Variants in AFF2 observed in about 807,000 individuals in gnomAD.
AFF2 encodes ALF transcription elongation factor 2.
AFF2 carries 14 observed loss-of-function variants against 76.9 expected under a neutral mutation model. That is an observed-to-expected ratio of 0.18 (90% CI 0.12 to 0.28). AFF2 has a LOEUF of 0.28. Among genes scored for constraint, AFF2 ranks in the 10% least tolerant of loss-of-function variants. The probability of loss-of-function intolerance (pLI) is 1.00; values close to 1 mark genes in which losing one functional copy is unlikely to be tolerated. For synonymous variants in AFF2, 398 were observed against 366.7 expected, an observed-to-expected ratio of 1.09 and a Z score of -0.98; for missense variants, 868 against 1,001.1, an observed-to-expected ratio of 0.87 and a Z score of 1.79.
At chrX:148,884,434 C>T (rs1282380180) in intron 7 of AFF2, among the ~76,000 whole-genome samples, 1 of 112,399 alleles carries the variant, frequency 8.9e-6, no homozygotes, top group Admixed American at 9.4e-5. Context: ...TTGAACATAA[C>T]CTCTGAAGTA....
chrX:148,573,969 C>T (rs1389918509), intron 1 of AFF2, among the ~76,000 whole-genome samples: 1 of 110,716 alleles, frequency 9.0e-6, no homozygotes, highest in Non-Finnish European at 1.9e-5. Context: ...CCCTTAGCAT[C>T]GTGTACTCTG....
intron 1 of AFF2, among the ~76,000 whole-genome samples, chrX:148,639,702 A>G (rs782218508): frequency 2.8e-4 from 31 of 111,932 alleles, no homozygotes; most frequent in Admixed American, 5.7e-4. Context: ...ACTGGTGGGT[A>G]AATCCAGTGG....
intron 1 of AFF2, among the ~76,000 whole-genome samples, chrX:148,626,883 C>T (rs2053932234): frequency 9.0e-6 from 1 of 111,243 alleles, no homozygotes; most frequent in Non-Finnish European, 1.9e-5. Context: ...TTCACGGGTT[C>T]TGGGTGAACA....
intron 5 of AFF2, among the ~76,000 whole-genome samples, 194 bp downstream of exon 5, chrX:148,837,927 C>T (rs781869430): frequency 1.9e-4 from 21 of 111,875 alleles, no homozygotes; most frequent in Admixed American, 1.3e-3. Context: ...ACACAGATAC[C>T]GGCATGCGTG....
chrX:148,952,671 G>A (rs1557286745), intron 9 of AFF2, among the ~76,000 whole-genome samples: 1 of 112,083 alleles, frequency 8.9e-6, no homozygotes, highest in African/African-American at 3.3e-5. Flanking sequence ...GAGAGCAAAC[G>A]ATCGGTATGG....
intron 3 of AFF2, among the ~76,000 whole-genome samples, chrX:148,763,521 A>G (rs2069477296): frequency 9.1e-6 from 1 of 110,002 alleles, no homozygotes; most frequent in Non-Finnish European, 1.9e-5. Flanking sequence ...GACTCTAGTT[A>G]TTAACAATGT....
At chrX:148,974,605 A>G (rs938670048) in intron 16 of AFF2, among the ~76,000 whole-genome samples, 21 of 111,952 alleles carry the variant, frequency 1.9e-4, no homozygotes, top group African/African-American at 6.8e-4. Flanking sequence ...TCCCAGTGAC[A>G]CATTCCAAAA....
intron 20 of AFF2, among the ~76,000 whole-genome samples, chrX:148,989,429 A>T (rs1305886158): frequency 8.9e-6 from 1 of 112,352 alleles, no homozygotes; most frequent in African/African-American, 3.2e-5. Context: ...AAGAGTTGCT[A>T]AATTCCCTGT....
chrX:148,601,988 C>T (rs949677295), intron 1 of AFF2, among the ~76,000 whole-genome samples: 1 of 111,814 alleles, frequency 8.9e-6, no homozygotes, highest in African/African-American at 3.3e-5. Flanking sequence ...GACCAAACAA[C>T]AAGTGATACT....
chrX:148,741,632 C>T (rs551165006), intron 3 of AFF2, among the ~76,000 whole-genome samples: 2 of 110,929 alleles, frequency 1.8e-5, no homozygotes, highest in South Asian at 3.8e-4. Flanking sequence ...GCAGGATTGG[C>T]GCCCTCCCCT....
At position 148,999,613 on chromosome X, in the gene AFF2, C is replaced by G. The variant is rs536782310; in HGVS notation, c.*8281C>G. The G allele has an allele frequency of 2.0e-5, 2 of 102,302 alleles. No individual in the cohort carries two copies. Among genetic ancestry groups the G allele is most frequent in the Non-Finnish European group, 3.8e-5 (2 of 52,974 alleles). The allele number at this position is 102,302 out of a possible 1,213,427, so 8.4% of individuals were successfully genotyped here. ...GTGTGTGTGTGTGTGCGCGCACACA[C>G]GTGCGTGTGTGTGTCCCTGCATGTG... On this transcript the variant is annotated 3_prime_UTR_variant, in exon 21 of 21. Transcript: ENST00000370460.
intron 3 of AFF2, among the ~76,000 whole-genome samples, chrX:148,787,237 T>A (rs1408685744): frequency 2.7e-5 from 3 of 111,698 alleles, no homozygotes; most frequent in African/African-American, 9.8e-5. Flanking sequence ...AAGAAATTAA[T>A]GCACTGGTTT....
intron 1 of AFF2, among the ~76,000 whole-genome samples, chrX:148,552,283 G>C: frequency 8.9e-6 from 1 of 112,212 alleles, no homozygotes; most frequent in African/African-American, 3.2e-5. Context: ...CTCACAGAGA[G>C]TGATGGGGAA....
At chrX:148,925,099 G>A (rs2071636331) in intron 9 of AFF2, among the ~76,000 whole-genome samples, 1 of 112,352 alleles carries the variant, frequency 8.9e-6, no homozygotes, top group Admixed American at 9.4e-5. Flanking sequence ...AAGAAGGGGG[G>A]AAATGCATGA....
intron 1 of AFF2, among the ~76,000 whole-genome samples, chrX:148,580,605 A>G (rs1175589339): frequency 1.8e-5 from 2 of 110,645 alleles, no homozygotes; most frequent in Non-Finnish European, 3.8e-5. Flanking sequence ...TGTTGTGATA[A>G]TGAAGCACCA....
In AFF2 at chrX:148,993,639, T is replaced by C. The variant is rs1179923412; in HGVS notation, c.*2307T>C. The stretch of plus-strand genomic sequence containing the variant: ...CTCATGGATGAAAGACTTGTAGTTC[T>C]AGTTTCAGTGACTTGTTATATCTAC... On this transcript the variant is annotated 3_prime_UTR_variant, in exon 21 of 21. Transcript: ENST00000370460. 8.9e-6 allele frequency: 1 copy of C among 112,150 alleles called. No individual in the cohort carries two copies. Among genetic ancestry groups the C allele is most frequent in the Non-Finnish European group, 1.9e-5 (1 of 53,276 alleles). The allele number at this position is 112,150 out of a possible 1,213,427, so 9.2% of individuals were successfully genotyped here.
rs1393850111 is a variant in AFF2 at position 148,637,220 on chromosome X, A to G, written c.48-14779A>G. ...GAAGCATATTAAACATATTACACAA[A>G]CAGAGCTCAACACCTCACATATTAT... On this transcript the variant is annotated intron_variant, in intron 1 of 20. Coordinates refer to ENST00000370460, the MANE Select transcript of AFF2 (RefSeq NM_002025.4). Among the ~76,000 whole-genome samples the G allele has an allele frequency of 1.3e-4, 15 of 112,123 alleles. No homozygotes were observed. In the Admixed American group the frequency reaches 1.4e-3, roughly 11 times the overall value.
chrX:148,620,854 A>T, intron 1 of AFF2, among the ~76,000 whole-genome samples: 1 of 111,873 alleles, frequency 8.9e-6, no homozygotes. Flanking sequence ...GCCAACTCAT[A>T]CCATAAAGGA....
chrX:148,797,348 A>G (rs191238181), intron 3 of AFF2, among the ~76,000 whole-genome samples: 232 of 111,693 alleles, frequency 2.1e-3, no homozygotes, highest in African/African-American at 7.3e-3. Context: ...AGTTTCTTCA[A>G]GACAGTCAGT....
Sources: gnomAD v4.1 joint callset for allele counts (sites outside exome capture counted in the v4.1 genomes callset) on GRCh38, gnomAD v4.1.1 for gene constraint, MANE v1.5 for transcripts, NCBI Gene and HGNC (gene_info 2026-07-23, HGNC 2026-07-21) for gene names.